COL24A1: variants seen among roughly 807,000 people sequenced by gnomAD.
The protein encoded by COL24A1 is collagen type XXIV alpha 1 chain, also known as collagen alpha-1(XXIV) chain.
COL24A1 carries 224 observed loss-of-function variants against 253.9 expected under a neutral mutation model. The observed-to-expected ratio is 0.88, with a 90% CI of 0.79 to 0.99. COL24A1 has a LOEUF of 0.99. Ranked by LOEUF, COL24A1 falls within the 50% of genes least tolerant of loss-of-function variation. The pLI, the probability that COL24A1 is intolerant of heterozygous loss-of-function variation, is 0.00. For synonymous variants in COL24A1, 685 were observed against 673.7 expected, an observed-to-expected ratio of 1.02 and a Z score of -0.26; for missense variants, 2,131 against 2,068.5, an observed-to-expected ratio of 1.03 and a Z score of -0.59.
chr1:86,092,295 G>A lies in COL24A1; in HGVS notation c.1625C>T (p.Ser542Phe), dbSNP rs755961038. Residue 542 changes from serine (S) to phenylalanine (F), a missense_variant, in exon 6 of 60, where the codon TCC becomes TTC. By Grantham distance (155) the Ser-to-Phe change is radical. Transcript: ENST00000370571. ...PKGPKGDPGF[S>F]PGQPVPGEKG... The stretch of plus-strand genomic sequence containing the variant: ...TTCTCCAGGAACAGGTTGACCTGGG[G>A]AAAATCCTGGATCTCCTTTGGGGCC... The A allele has an allele frequency of 1.6e-5, 26 of 1,605,816 alleles. No homozygotes were observed. In the South Asian group the frequency reaches 2.0e-4, roughly 12 times the overall value.
chr1:85,926,360 A>G (rs4348751), intron 24 of COL24A1, among the ~76,000 whole-genome samples: 66,129 of 152,078 alleles, frequency 0.43, 15,650 homozygotes, highest in East Asian at 0.75. Flanking sequence ...ATGCTACTAT[A>G]AAGACACATG....
At chr1:85,737,587 G>T in intron 57 of COL24A1, 82 bp from the exon 58 acceptor site, 2 of 982,322 alleles carry the variant, frequency 2.0e-6, no homozygotes, top group Non-Finnish European at 3.0e-6. Flanking sequence ...TTGAGAGAGA[G>T]AGTCTCATTC....
At chr1:85,966,703 G>A (rs1310429663) in intron 22 of COL24A1, among the ~76,000 whole-genome samples, 1 of 152,024 alleles carries the variant, frequency 6.6e-6, no homozygotes, top group Non-Finnish European at 1.5e-5. Flanking sequence ...GTAATAAGAG[G>A]ACTTTGAGGA....
At chr1:86,143,029 T>G (rs1461071041) in intron 2 of COL24A1, among the ~76,000 whole-genome samples, 1 of 152,168 alleles carries the variant, frequency 6.6e-6, no homozygotes, top group African/African-American at 2.4e-5. Flanking sequence ...TCTGAGGGAA[T>G]AATATTTACA....
At chr1:85,918,321 A>C (rs1028514655) in intron 24 of COL24A1, among the ~76,000 whole-genome samples, 1 of 152,054 alleles carries the variant, frequency 6.6e-6, no homozygotes, top group African/African-American at 2.4e-5. Context: ...AATTTTTTGC[A>C]TACAGGGACC....
At chr1:86,094,607 T>G (rs1439170358) in intron 5 of COL24A1, among the ~76,000 whole-genome samples, 1 of 151,964 alleles carries the variant, frequency 6.6e-6, no homozygotes, top group Non-Finnish European at 1.5e-5. Context: ...AACTTGCACA[T>G]GTACCCCTGA....
chr1:85,989,452 T>G (rs1045936078), intron 19 of COL24A1, among the ~76,000 whole-genome samples: 1 of 152,108 alleles, frequency 6.6e-6, no homozygotes, highest in African/African-American at 2.4e-5. Flanking sequence ...TGAACCACTT[T>G]TCTACAAACC....
At chr1:85,938,569 C>T (rs1688439689) in intron 24 of COL24A1, among the ~76,000 whole-genome samples, 1 of 146,016 alleles carries the variant, frequency 6.8e-6, no homozygotes, top group South Asian at 2.5e-4. Flanking sequence ...CTAAGCTTCC[C>T]TCAGGAAGAG....
At chr1:85,980,345 G>C (rs1243499132) in intron 20 of COL24A1, among the ~76,000 whole-genome samples, 1 of 152,164 alleles carries the variant, frequency 6.6e-6, no homozygotes. Context: ...AGAGCAATCA[G>C]ACAAGAGAAA....
chr1:85,841,370 T>A (rs950572833), intron 41 of COL24A1, 92 bp from the exon 42 acceptor site: 3 of 832,712 alleles, frequency 3.6e-6, no homozygotes, highest in Non-Finnish European at 5.6e-6. Context: ...TATTAGAAAA[T>A]GCAGTTTGAT....
At chr1:86,156,136 G>A in intron 1 of COL24A1, 1 of 524,726 alleles carries the variant, frequency 1.9e-6, no homozygotes, top group Non-Finnish European at 3.4e-6. Context: ...AACTGTCTGA[G>A]ATCTGCTGGC....
chr1:86,109,641 A>T (rs1435152741), intron 5 of COL24A1, among the ~76,000 whole-genome samples: 2 of 152,202 alleles, frequency 1.3e-5, no homozygotes, highest in Non-Finnish European at 2.9e-5. Flanking sequence ...TTTACTTCTG[A>T]ATGCGATCAC....
chr1:85,837,079 G>A (rs935337755), intron 43 of COL24A1, among the ~76,000 whole-genome samples: 6 of 152,158 alleles, frequency 3.9e-5, no homozygotes, highest in Non-Finnish European at 8.8e-5. Flanking sequence ...AAAAGCTGAG[G>A]AACTTTAAGA....
intron 13 of COL24A1, among the ~76,000 whole-genome samples, chr1:86,033,164 A>C (rs1449598598): frequency 6.6e-6 from 1 of 152,180 alleles, no homozygotes; most frequent in Non-Finnish European, 1.5e-5. Context: ...AAGAAGAAAA[A>C]TAAACTATTT....
At chr1:85,938,250 G>T (rs1011706703) in intron 24 of COL24A1, among the ~76,000 whole-genome samples, 2 of 147,144 alleles carry the variant, frequency 1.4e-5, no homozygotes, top group Non-Finnish European at 1.5e-5. Flanking sequence ...CACTCTCAAT[G>T]TCCCAGTGGA....
chr1:85,830,415 G>T (rs1431841292), intron 43 of COL24A1, among the ~76,000 whole-genome samples: 1 of 152,242 alleles, frequency 6.6e-6, no homozygotes, highest in East Asian at 1.9e-4. Context: ...GCCTACAGAG[G>T]CAGGCAGGCC....
intron 5 of COL24A1, among the ~76,000 whole-genome samples, chr1:86,096,889 T>G (rs1002562028): frequency 3.3e-5 from 5 of 152,160 alleles, no homozygotes; most frequent in Admixed American, 2.6e-4. Flanking sequence ...ACTCCTTCTC[T>G]TTCTTTCCTC....
chr1:86,089,416 C>T (rs928404500), intron 6 of COL24A1, among the ~76,000 whole-genome samples, 189 bp from the exon 7 acceptor site: 9 of 152,190 alleles, frequency 5.9e-5, no homozygotes, highest in African/African-American at 2.2e-4. Context: ...AATAACTGAA[C>T]TGTATTTTCC....
chr1:86,122,679 G>T (rs1044426592), intron 3 of COL24A1, among the ~76,000 whole-genome samples: 13 of 151,256 alleles, frequency 8.6e-5, no homozygotes, highest in Non-Finnish European at 1.3e-4. Context: ...TTTTTGCTTG[G>T]TCCCTAGGTC....
Sources: gnomAD v4.1 joint callset for allele counts (sites outside exome capture counted in the v4.1 genomes callset) on GRCh38, gnomAD v4.1.1 for gene constraint, MANE v1.5 for transcripts, NCBI Gene and HGNC (gene_info 2026-07-23, HGNC 2026-07-21) for gene names.